PLXDC2: variants seen among roughly 807,000 people sequenced by gnomAD.
The protein encoded by PLXDC2 is plexin domain containing 2.
PLXDC2 carries 40 observed loss-of-function variants against 68.9 expected under a neutral mutation model. That is an observed-to-expected ratio of 0.58 (90% CI 0.45 to 0.76). The LOEUF (loss-of-function observed/expected upper bound fraction) is 0.76, where lower values mean the gene tolerates loss of function less well. Among genes scored for constraint, PLXDC2 ranks in the 30% least tolerant of loss-of-function variants. PLXDC2 has a pLI of 0.00. For missense variants in PLXDC2, 644 were observed against 661.9 expected (o/e 0.97, Z 0.30); for synonymous variants, 243 against 234.2 (o/e 1.04, Z -0.34).
At chr10:20,026,229 T>G (rs1268084000) in intron 2 of PLXDC2, among the ~76,000 whole-genome samples, 1 of 151,786 alleles carries the variant, frequency 6.6e-6, no homozygotes, top group African/African-American at 2.4e-5. Context: ...AGACTATGGT[T>G]TTTTTTTTAT....
chr10:19,991,132 G>T (rs190010665), intron 1 of PLXDC2, among the ~76,000 whole-genome samples: 2 of 152,054 alleles, frequency 1.3e-5, no homozygotes, highest in East Asian at 3.9e-4. Flanking sequence ...TGTAATCCCA[G>T]CTACTTGGGA....
chr10:19,878,335 G>A (rs1837671590), intron 1 of PLXDC2, among the ~76,000 whole-genome samples: 1 of 151,534 alleles, frequency 6.6e-6, no homozygotes, highest in Admixed American at 6.6e-5. Context: ...CTAAGTATCT[G>A]AACTACAACC....
At chr10:19,999,688 T>G (rs1834901095) in intron 1 of PLXDC2, among the ~76,000 whole-genome samples, 1 of 152,114 alleles carries the variant, frequency 6.6e-6, no homozygotes. Flanking sequence ...TTGACCTAAG[T>G]GTTGTGCTAG....
chr10:20,097,334 C>T (rs561267550), intron 4 of PLXDC2, among the ~76,000 whole-genome samples: 10 of 151,998 alleles, frequency 6.6e-5, no homozygotes, highest in East Asian at 1.9e-4. Context: ...TGTCGTGTTG[C>T]GTTCTGCAGG....
chr10:20,045,037 C>T (rs1042405093), intron 2 of PLXDC2, among the ~76,000 whole-genome samples: 6 of 152,146 alleles, frequency 3.9e-5, no homozygotes, highest in African/African-American at 1.4e-4. Context: ...AGTTTCAGAG[C>T]TTTTGGGGGC....
At chr10:20,051,277 A>G (rs897096308) in intron 3 of PLXDC2, among the ~76,000 whole-genome samples, 4 of 151,626 alleles carry the variant, frequency 2.6e-5, no homozygotes, top group Non-Finnish European at 5.9e-5. Flanking sequence ...AAAGGTAACA[A>G]TTGGTTGCTA....
At chr10:19,985,104 A>G (rs1834614444) in intron 1 of PLXDC2, among the ~76,000 whole-genome samples, 1 of 152,168 alleles carries the variant, frequency 6.6e-6, no homozygotes, top group South Asian at 2.1e-4. Flanking sequence ...CAATTTCATT[A>G]CTCTTTGCAT....
At chr10:20,108,974 C>T (rs1833525059) in intron 4 of PLXDC2, among the ~76,000 whole-genome samples, 1 of 152,050 alleles carries the variant, frequency 6.6e-6, no homozygotes. Context: ...CAAATAAGAA[C>T]TGAAATCAAC....
At chr10:19,919,375 A>T (rs924916679) in intron 1 of PLXDC2, among the ~76,000 whole-genome samples, 1 of 152,010 alleles carries the variant, frequency 6.6e-6, no homozygotes, top group Admixed American at 6.5e-5. Context: ...ACTTGCTAAC[A>T]GGAATGCAGC....
At chr10:20,189,956 T>A (rs2131838057) in intron 9 of PLXDC2, among the ~76,000 whole-genome samples, 1 of 151,910 alleles carries the variant, frequency 6.6e-6, no homozygotes, top group South Asian at 2.1e-4. Flanking sequence ...GTTCTCCTAA[T>A]AACTAAGTCC....
chr10:20,279,911 C>A lies in PLXDC2; in HGVS notation c.*92C>A. ...TTTAAGACAAACAAACAAACACACA[C>A]ACAAACAAGCTCTAAGCTGCTGTAG... On this transcript the variant is annotated 3_prime_UTR_variant, in exon 14 of 14. Transcript: ENST00000377252. 1.1e-6 allele frequency: 1 copy of A among 913,812 alleles called. No individual in the cohort carries two copies. Among genetic ancestry groups the A allele is most frequent in the Non-Finnish European group, 1.8e-6 (1 of 564,958 alleles). 56.6% of individuals were successfully genotyped at this position (913,812 alleles called of 1,614,324 possible). A position where few individuals can be genotyped will look rare whatever the true frequency, so the allele number is the denominator to read the frequency against.
intron 1 of PLXDC2, among the ~76,000 whole-genome samples, chr10:19,820,486 T>A (rs866279316): frequency 4.7e-5 from 7 of 150,304 alleles, no homozygotes; most frequent in Admixed American, 6.6e-5. Context: ...AAAAAAAAAT[T>A]AGCCGGGCGC....
At chr10:19,941,974 G>GAA (rs199597958) in intron 1 of PLXDC2, among the ~76,000 whole-genome samples, 42 of 111,744 alleles carry the variant, frequency 3.8e-4, no homozygotes, top group Admixed American at 8.1e-4. Context: ...GACATTTAGA[G>GAA]AAAAAAAAAA....
intron 2 of PLXDC2, among the ~76,000 whole-genome samples, chr10:20,015,087 T>A (rs1589587000): frequency 6.6e-6 from 1 of 152,304 alleles, no homozygotes; most frequent in East Asian, 1.9e-4. Flanking sequence ...GGAATCAGAA[T>A]CTGGGACAAA....
At chr10:20,202,607 T>A (rs1834935185) in intron 9 of PLXDC2, among the ~76,000 whole-genome samples, 1 of 152,168 alleles carries the variant, frequency 6.6e-6, no homozygotes, top group Admixed American at 6.6e-5. Flanking sequence ...TTCAATATGT[T>A]CTAGCATCAC....
At chr10:19,967,676 T>G (rs1250685698) in intron 1 of PLXDC2, among the ~76,000 whole-genome samples, 2 of 152,296 alleles carry the variant, frequency 1.3e-5, no homozygotes, top group East Asian at 3.9e-4. Flanking sequence ...TACAGCATAC[T>G]GAAAAAACAT....
chr10:19,886,524 C>A (rs924104110), intron 1 of PLXDC2, among the ~76,000 whole-genome samples: 2 of 152,090 alleles, frequency 1.3e-5, no homozygotes, highest in African/African-American at 4.8e-5. Context: ...AAGACAAAAA[C>A]CACATGATTT....
chr10:20,038,882 T>A (rs1335273963), intron 2 of PLXDC2, among the ~76,000 whole-genome samples: 1 of 152,198 alleles, frequency 6.6e-6, no homozygotes, highest in African/African-American at 2.4e-5. Flanking sequence ...TTGCTTTCAA[T>A]GAGGTCTGTT....
intron 9 of PLXDC2, among the ~76,000 whole-genome samples, chr10:20,186,367 G>A (rs1412569952): frequency 5.9e-5 from 9 of 151,856 alleles, no homozygotes; most frequent in Non-Finnish European, 7.4e-5. Context: ...CCACACTAGC[G>A]TAGGTCTGAA....
Sources: gnomAD v4.1 joint callset for allele counts (sites outside exome capture counted in the v4.1 genomes callset) on GRCh38, gnomAD v4.1.1 for gene constraint, MANE v1.5 for transcripts, NCBI Gene and HGNC (gene_info 2026-07-23, HGNC 2026-07-21) for gene names.